The following GOLM2 variants were observed in gnomAD, a reference collection of about 807,000 sequenced individuals.
GOLM2 encodes golgi membrane protein 2, also known as protein GOLM2.
A neutral mutation model predicts 55.9 loss-of-function variants in GOLM2; 26 were observed. That is an observed-to-expected ratio of 0.47 (90% CI 0.34 to 0.65). The LOEUF is 0.65. Ranked by LOEUF, GOLM2 falls within the 30% of genes least tolerant of loss-of-function variation. The probability of loss-of-function intolerance (pLI) is 0.01; values close to 1 mark genes in which losing one functional copy is unlikely to be tolerated. For missense variants in GOLM2, 486 were observed against 531.8 expected (o/e 0.91, Z 0.85); for synonymous variants, 165 against 194.6 (o/e 0.85, Z 1.27).
In GOLM2 at chr15:44,313,848, A is replaced by G. The variant is rs560691722; in HGVS notation, c.328-9117A>G. Among the ~76,000 whole-genome samples the G allele has an allele frequency of 3.3e-5, 5 of 152,340 alleles. No homozygotes were observed. The South Asian group carries it at 8.3e-4, about 25-fold the overall frequency. On this transcript the variant is annotated intron_variant, in intron 1 of 9. Transcript: ENST00000299957. The stretch of plus-strand genomic sequence containing the variant: ...TAATGAATAAGCACCACAATAAAAT[A>G]AAATTTCTTAATAAGATGAATGAGT...
At chr15:44,365,557 A>G (rs149886551) in intron 6 of GOLM2, among the ~76,000 whole-genome samples, 1 of 152,304 alleles carries the variant, frequency 6.6e-6, no homozygotes, top group East Asian at 1.9e-4. Flanking sequence ...AATGCATATT[A>G]CTAAATGAAA....
At chr15:44,298,324 C>T (rs530404588) in intron 1 of GOLM2, among the ~76,000 whole-genome samples, 6 of 146,498 alleles carry the variant, frequency 4.1e-5, no homozygotes, top group East Asian at 4.0e-4. Flanking sequence ...AGTGCAATGG[C>T]GCGATCTCAG....
intron 9 of GOLM2, among the ~76,000 whole-genome samples, chr15:44,412,581 T>A (rs1205023576): frequency 3.9e-5 from 6 of 152,096 alleles, no homozygotes; most frequent in Non-Finnish European, 2.9e-5. Flanking sequence ...TTTATAATTT[T>A]AAAAATACTA....
chr15:44,332,755 C>T (rs192725211), intron 4 of GOLM2, among the ~76,000 whole-genome samples: 2 of 151,986 alleles, frequency 1.3e-5, no homozygotes, highest in Non-Finnish European at 1.5e-5. Flanking sequence ...CTCTGTTATT[C>T]TGACACCCTT....
chr15:44,290,780 T>A (rs1689297523), intron 1 of GOLM2, among the ~76,000 whole-genome samples: 1 of 152,170 alleles, frequency 6.6e-6, no homozygotes. Flanking sequence ...TCCATTGGAC[T>A]TTTTGTTGTT....
At chr15:44,400,302 T>C (rs1358446479) in intron 8 of GOLM2, among the ~76,000 whole-genome samples, 1 of 151,946 alleles carries the variant, frequency 6.6e-6, no homozygotes, top group African/African-American at 2.4e-5. Context: ...AGTCTCCTGT[T>C]GTCCCCACAC....
At chr15:44,386,955 A>G (rs776232542) in intron 8 of GOLM2, among the ~76,000 whole-genome samples, 1 of 152,042 alleles carries the variant, frequency 6.6e-6, no homozygotes, top group Non-Finnish European at 1.5e-5. Context: ...CAGGCAGATC[A>G]CTGGAGCCCA....
chr15:44,338,138 A>G, intron 5 of GOLM2, 99 bp from the exon 6 acceptor site: 1 of 1,140,882 alleles, frequency 8.8e-7, no homozygotes, highest in South Asian at 1.3e-5. Context: ...CAGTTGATGT[A>G]GCCTATTACT....
chr15:44,311,489 G>A (rs1247964215), intron 1 of GOLM2, among the ~76,000 whole-genome samples: 1 of 151,784 alleles, frequency 6.6e-6, no homozygotes, highest in African/African-American at 2.4e-5. Context: ...TATTATTGTG[G>A]TAAGTGTGTA....
intron 6 of GOLM2, chr15:44,355,036 G>A (rs184927591): frequency 9.1e-4 from 141 of 155,204 alleles, no homozygotes; most frequent in Non-Finnish European, 1.6e-3. Context: ...TTAGAGGAGA[G>A]AGCCAAAGAG....
chr15:44,309,646 A>G (rs1334065208), intron 1 of GOLM2, among the ~76,000 whole-genome samples: 2 of 152,234 alleles, frequency 1.3e-5, no homozygotes, highest in East Asian at 1.9e-4. Flanking sequence ...ACTCCTTTAC[A>G]TAGTAATAGC....
At chr15:44,365,096 TAGA>T (rs2079274968) in intron 6 of GOLM2, among the ~76,000 whole-genome samples, 1 of 152,208 alleles carries the variant, frequency 6.6e-6, no homozygotes, top group South Asian at 2.1e-4. Context: ...TAAATGTTTA[TAGA>T]AGCTTTATTC....
At chr15:44,291,765 C>T (rs1009423972) in intron 1 of GOLM2, among the ~76,000 whole-genome samples, 1 of 152,148 alleles carries the variant, frequency 6.6e-6, no homozygotes, top group Non-Finnish European at 1.5e-5. Context: ...TGAGCCTTTG[C>T]TCTCCCATAA....
intron 1 of GOLM2, among the ~76,000 whole-genome samples, chr15:44,301,024 C>T (rs943791202): frequency 3.9e-5 from 6 of 152,154 alleles, no homozygotes; most frequent in African/African-American, 1.2e-4. Context: ...CTTACATCCA[C>T]GAAGCTTTTT....
chr15:44,365,739 A>G (rs2079278925), intron 6 of GOLM2, among the ~76,000 whole-genome samples: 2 of 152,104 alleles, frequency 1.3e-5, no homozygotes. Flanking sequence ...GGGCAGTGAA[A>G]TGCTCTGATA....
At chr15:44,383,675 C>CTTTT (rs761209421) in intron 8 of GOLM2, among the ~76,000 whole-genome samples, 1 of 125,902 alleles carries the variant, frequency 7.9e-6, no homozygotes, top group African/African-American at 3.0e-5. Context: ...TTCTTTTTTT[C>CTTTT]TTTTTTTTTT....
At chr15:44,396,549 CT>C in intron 8 of GOLM2, among the ~76,000 whole-genome samples, 1 of 152,110 alleles carries the variant, frequency 6.6e-6, no homozygotes, top group African/African-American at 2.4e-5. Context: ...GACCAAAGCC[CT>C]TACTCATTTT....
chr15:44,312,813 G>A (rs1245487241), intron 1 of GOLM2, among the ~76,000 whole-genome samples: 1 of 152,142 alleles, frequency 6.6e-6, no homozygotes, highest in Admixed American at 6.5e-5. Flanking sequence ...GGGTGCGGTG[G>A]CTCACGCCTG....
At chr15:44,306,063 T>C (rs1477011372) in intron 1 of GOLM2, among the ~76,000 whole-genome samples, 1 of 152,202 alleles carries the variant, frequency 6.6e-6, no homozygotes, top group African/African-American at 2.4e-5. Context: ...AGTCACCAGC[T>C]GTCCCTAACA....
Sources: allele counts gnomAD v4.1 joint callset (sites outside exome capture counted in the v4.1 genomes callset), GRCh38; gene constraint gnomAD v4.1.1; transcripts MANE v1.5; gene names NCBI Gene and HGNC (gene_info 2026-07-23, HGNC 2026-07-21).